The following KIN variants were observed in gnomAD, a reference collection of about 807,000 sequenced individuals.
KIN encodes DNA/RNA-binding protein KIN17.
Under a neutral mutation model 63.0 loss-of-function variants are expected in KIN, and 47 were observed. The observed-to-expected ratio is 0.75, with a 90% CI of 0.59 to 0.95. KIN has a LOEUF of 0.95. KIN is among the 40% of genes least tolerant of loss of function. The probability of loss-of-function intolerance (pLI) is 0.00; values close to 1 mark genes in which losing one functional copy is unlikely to be tolerated. For synonymous variants in KIN, 160 were observed against 157.7 expected (o/e 1.01, Z -0.11); for missense variants, 408 against 460.9 (o/e 0.89, Z 1.05).
intron 12 of KIN, 128 bp from the exon 13 acceptor site, chr10:7,756,270 AT>A: frequency 1.9e-6 from 1 of 518,514 alleles, no homozygotes; most frequent in Middle Eastern, 3.0e-4. Flanking sequence ...GATTGTTAAC[AT>A]TTGTATACAT....
intron 7 of KIN, among the ~76,000 whole-genome samples, chr10:7,773,482 T>G (rs186559940): frequency 6.6e-6 from 1 of 152,362 alleles, no homozygotes; most frequent in East Asian, 1.9e-4. Context: ...CCAGGTCATA[T>G]CATGCCAATG....
intron 10 of KIN, among the ~76,000 whole-genome samples, 182 bp from the exon 11 acceptor site, chr10:7,762,738 G>C (rs952769261): frequency 2.0e-5 from 3 of 152,016 alleles, no homozygotes; most frequent in African/African-American, 7.3e-5. Flanking sequence ...TCTCAATAAA[G>C]AACTCAATTC....
intron 12 of KIN, among the ~76,000 whole-genome samples, chr10:7,757,536 A>AAAATT (rs1200500357): frequency 2.0e-5 from 3 of 151,156 alleles, no homozygotes; most frequent in South Asian, 2.1e-4. Flanking sequence ...TAAATTAAAT[A>AAAATT]AAATTAAAAT....
rs1835321463 is a variant in KIN at position 7,755,795 on chromosome 10, A to G, written c.*285T>C. 1 of 215,014 alleles carries G rather than the reference A, an allele frequency of 4.7e-6. No individual in the cohort carries two copies. The allele number at this position is 215,014 out of a possible 1,614,324, so 13.3% of individuals were successfully genotyped here. On this transcript the variant is annotated 3_prime_UTR_variant, in exon 13 of 13. Transcript: ENST00000379562. ...CAATTACATGATTCTAAATTGTCAT[A>G]GATAAAACACTTTATAATAACATTC... is the stretch of plus-strand genomic sequence containing the variant.
At chr10:7,758,675 CAA>C (rs34194283) in intron 12 of KIN, among the ~76,000 whole-genome samples, 26,324 of 126,542 alleles carry the variant, frequency 0.21, 2,213 homozygotes, top group Admixed American at 0.27. Flanking sequence ...ATGGTCCATG[CAA>C]AAAAAAAAAA....
intron 1 of KIN, 69 bp downstream of exon 1, chr10:7,787,751 C>CG: frequency 1.6e-6 from 2 of 1,236,566 alleles, no homozygotes; most frequent in Non-Finnish European, 2.4e-6. Context: ...CTCAGCCCCG[C>CG]GTCCAGGACC....
In KIN at chr10:7,763,745, T is replaced by A; in HGVS notation, c.896A>T (p.His299Leu). The A allele has an allele frequency of 6.7e-7, 1 of 1,484,406 alleles. No individual in the cohort carries two copies. The highest frequency in any genetic ancestry group is 9.3e-7 in the Non-Finnish European group (1 of 1,075,814). The allele number at this position is 1,484,406 out of a possible 1,614,324, so 92.0% of individuals were successfully genotyped here. Reference sequence around the variant, plus strand: ...TACCTTAACAATAGCCTTTTTCTTATGATATTTCTCTCCCAGTTTCTTGGT... The same window carrying A: ...TACCTTAACAATAGCCTTTTTCTTAAGATATTTCTCTCCCAGTTTCTTGGT... The part of the protein sequence containing the change: ...IITKKLGEKY[H>L]KKKAIVKEVI... The change falls in exon 10 of 13, where the codon CAT becomes CTT. Residue 299 changes from histidine to leucine, a missense_variant. His to Leu is a moderately conservative substitution (Grantham distance 99). Around this residue, in one of 2 missense-constraint regions of KIN, gnomAD observed 298 missense variants for 296.0 expected, o/e 1.01. Coordinates refer to ENST00000379562, the MANE Select transcript of KIN (RefSeq NM_012311.4).
Position 7,759,944 on chromosome 10 carries a change from A to G in KIN, c.1065T>C (p.Gly355=). The G allele has an allele frequency of 6.4e-7, 1 of 1,570,846 alleles. No homozygotes were observed. The highest frequency in any genetic ancestry group is 8.6e-7 in the Non-Finnish European group (1 of 1,156,480). Reference sequence around the variant, plus strand: ...TCTTCTCATTGATGGATTCTAGGGTACCTTCATTTCCTCTGTAGCCTCCAT... The same window carrying G: ...TCTTCTCATTGATGGATTCTAGGGTGCCTTCATTTCCTCTGTAGCCTCCAT... ...VLNGGYRGNE[G]TLESINEKTF... Residue 355 remains glycine, a synonymous_variant, in exon 12 of 13, where the codon GGT becomes GGC. Coordinates refer to ENST00000379562, the MANE Select transcript of KIN (RefSeq NM_012311.4).
intron 7 of KIN, among the ~76,000 whole-genome samples, chr10:7,773,507 T>C (rs935822310): frequency 6.6e-6 from 1 of 152,232 alleles, no homozygotes; most frequent in African/African-American, 2.4e-5. Context: ...ACAATTCTTC[T>C]GGAATGTACC....
intron 2 of KIN, 83 bp from the exon 3 acceptor site, chr10:7,780,390 G>A (rs1453175768): frequency 3.3e-6 from 4 of 1,212,990 alleles, no homozygotes; most frequent in Admixed American, 4.7e-5. Flanking sequence ...CAGTAGTACA[G>A]TTTTTTGTTT....
In KIN at chr10:7,780,294, C is replaced by A; in HGVS notation, c.223G>T (p.Asp75Tyr). The A allele has an allele frequency of 6.2e-7, 1 of 1,606,784 alleles. No individual in the cohort carries two copies. Among genetic ancestry groups the A allele is most frequent in the South Asian group, 1.1e-5 (1 of 89,932 alleles). ...CGTCTCCTGAGAAGTTCTAGAAAGT[C>A]ATTTCGGAATTCCCTAATAAAGAAA... Reference protein sequence around the residue: ...MDYFSEEFRNDFLELLRRRFG... With the variant: ...MDYFSEEFRNYFLELLRRRFG... The change falls in exon 3 of 13, where the codon GAC becomes TAC. Residue 75 changes from aspartate (D) to tyrosine (Y), a missense_variant. Asp to Tyr is a radical substitution (Grantham distance 160). This residue lies in a region of KIN where 110 missense variants were observed against 164.9 expected (regional missense o/e 0.67). Transcript: ENST00000379562.
At position 7,787,861 on chromosome 10, in the gene KIN, G is replaced by A. The variant is rs767826253; in HGVS notation, c.73C>T (p.Arg25Cys). The change falls in exon 1 of 13, where the codon CGC (arginine) becomes TGC (cysteine). Residue 25 changes from arginine to cysteine, a missense_variant. Around this residue, in one of 2 missense-constraint regions of KIN, gnomAD observed 110 missense variants for 164.9 expected, o/e 0.67. Transcript: ENST00000379562. ...TTCTGGCACATCTGGCAATACCAGC[G>A]TAGCTTCTGCAGCCCCTTGGACTTG... ...RIKSKGLQKL[R>C]WYCQMCQKQC... 3.7e-6 allele frequency: 6 copies of A among 1,614,194 alleles called. No individual in the cohort carries two copies. In the South Asian group the frequency reaches 6.6e-5, roughly 18 times the overall value.
chr10:7,769,619 C>T (rs1391369818), intron 7 of KIN, among the ~76,000 whole-genome samples: 6 of 152,214 alleles, frequency 3.9e-5, no homozygotes, highest in Admixed American at 1.3e-4. Flanking sequence ...CTCACTCCTT[C>T]GGTCACTGCT....
Position 7,755,949 on chromosome 10 carries a change from A to T in KIN, c.*131T>A. On this transcript the variant is annotated 3_prime_UTR_variant, in exon 13 of 13. Transcript: ENST00000379562. Reference sequence around the variant, plus strand: ...TCAAAGTTTAGCTGAACAACTATACAGTAATATTTTCAAAAACCTGTTTGT... The same window carrying T: ...TCAAAGTTTAGCTGAACAACTATACTGTAATATTTTCAAAAACCTGTTTGT... 1 of 547,446 alleles carries T rather than the reference A, an allele frequency of 1.8e-6. No homozygotes were observed. Among genetic ancestry groups the T allele is most frequent in the South Asian group, 3.5e-5 (1 of 28,442 alleles). The allele number at this position is 547,446 out of a possible 1,614,324, so 33.9% of individuals were successfully genotyped here.
intron 12 of KIN, among the ~76,000 whole-genome samples, chr10:7,759,439 G>A (rs1166805371): frequency 6.6e-6 from 1 of 152,070 alleles, no homozygotes; most frequent in Admixed American, 6.6e-5. Context: ...GTTGACCTCT[G>A]TGGTTCCCTC....
At chr10:7,771,757 T>C (rs559968733) in intron 7 of KIN, among the ~76,000 whole-genome samples, 2 of 151,460 alleles carry the variant, frequency 1.3e-5, no homozygotes, top group African/African-American at 2.4e-5. Flanking sequence ...TAGCCGAGCA[T>C]GGTGGTGCAT....
rs1835419777 is a variant in KIN at position 7,760,653 on chromosome 10, T to A, written c.1019-663A>T. ...GAGAAAGAGACCACATTCACATAACTTTTATCATACTATATTATTATAATT... is the reference window on the plus strand; with the variant it reads ...GAGAAAGAGACCACATTCACATAACATTTATCATACTATATTATTATAATT... On this transcript the variant is annotated intron_variant, in intron 11 of 12. Transcript: ENST00000379562. 1.3e-5 allele frequency among the ~76,000 whole-genome samples: 2 copies of A among 149,468 alleles called. 1 individual carries two copies. Among genetic ancestry groups the A allele is most frequent in the South Asian group, 4.3e-4 (2 of 4,626 alleles).
Position 7,787,960 on chromosome 10 carries a change from G to A in KIN, c.-27C>T, listed in dbSNP as rs780509174. On this transcript the variant is annotated 5_prime_UTR_variant, in exon 1 of 13. Transcript: ENST00000379562. Reference sequence around the variant, plus strand: ...GCGACCACGGCAGCGATCACTTTCTGGACCCCAGTACTCAGCCAGCCGGAA... The same window carrying A: ...GCGACCACGGCAGCGATCACTTTCTAGACCCCAGTACTCAGCCAGCCGGAA... 1.3e-6 allele frequency: 2 copies of A among 1,546,640 alleles called. No homozygotes were observed. The highest frequency in any genetic ancestry group is 1.7e-4 in the Middle Eastern group (1 of 5,928).
chr10:7,764,594 T>C (rs1186445288), intron 9 of KIN, among the ~76,000 whole-genome samples: 1 of 152,188 alleles, frequency 6.6e-6, no homozygotes, highest in Admixed American at 6.5e-5. Flanking sequence ...GGAAGGACTT[T>C]GGGGAGAGGG....
Sources: allele counts gnomAD v4.1 joint callset (sites outside exome capture counted in the v4.1 genomes callset), GRCh38; gene constraint gnomAD v4.1.1; regional missense constraint gnomAD v4.1.1; transcripts MANE v1.5; gene names NCBI Gene and HGNC (gene_info 2026-07-23, HGNC 2026-07-21).